CSNK1D: variants seen among roughly 807,000 people sequenced by gnomAD.
CSNK1D encodes the protein casein kinase I isoform delta.
CSNK1D carries 16 observed loss-of-function variants against 46.6 expected under a neutral mutation model. That is an observed-to-expected ratio of 0.34 (90% CI 0.23 to 0.52). CSNK1D has a LOEUF of 0.52. Ranked by LOEUF, CSNK1D falls within the 20% of genes least tolerant of loss-of-function variation. The pLI is 0.95. For synonymous variants in CSNK1D, 276 were observed against 228.2 expected, an observed-to-expected ratio of 1.21 and a Z score of -1.89; for missense variants, 398 against 578.4, an observed-to-expected ratio of 0.69 and a Z score of 3.20.
chr17:82,247,924 G>C, intron 8 of CSNK1D: 1 of 985,488 alleles, frequency 1.0e-6, no homozygotes, highest in Non-Finnish European at 1.2e-6. Flanking sequence ...AAGACGGCAA[G>C]TGGTCAAGAG....
Position 82,242,670 on chromosome 17 carries a change from G to C in CSNK1D, c.*2111C>G, listed in dbSNP as rs548277065. Reference sequence around the variant, plus strand: ...CCACATGGAAAGGGGAGGGAAGAAAGGTAGAAGTCATTATGAATTTATTAT... The same window carrying C: ...CCACATGGAAAGGGGAGGGAAGAAACGTAGAAGTCATTATGAATTTATTAT... On this transcript the variant is annotated 3_prime_UTR_variant, in exon 9 of 9. Transcript: ENST00000314028. The C allele has an allele frequency of 1.0e-6, 1 of 985,382 alleles. No homozygotes were observed. Among genetic ancestry groups the C allele is most frequent in the South Asian group, 4.7e-5 (1 of 21,296 alleles). 61.0% of individuals were successfully genotyped at this position (985,382 alleles called of 1,614,324 possible). A position where few individuals can be genotyped will look rare whatever the true frequency, so the allele number is the denominator to read the frequency against.
chr17:82,240,363 C>T (rs146077456), downstream of CSNK1D, among the ~76,000 whole-genome samples: 16 of 152,282 alleles, frequency 1.1e-4, no homozygotes, highest in African/African-American at 3.6e-4. Flanking sequence ...GCAGGCAGCC[C>T]GGGCCTCAGA....
intron 2 of CSNK1D, among the ~76,000 whole-genome samples, chr17:82,259,832 C>T (rs1391904347): frequency 4.6e-5 from 7 of 152,336 alleles, no homozygotes; most frequent in South Asian, 2.1e-4. Flanking sequence ...GACTGCATCG[C>T]GTAACACTAA....
intron 1 of CSNK1D, among the ~76,000 whole-genome samples, chr17:82,269,933 C>T (rs2051575458): frequency 6.6e-6 from 1 of 152,256 alleles, no homozygotes; most frequent in Admixed American, 6.5e-5. Flanking sequence ...TGGTACTCTG[C>T]CAGCATAAGT....
At chr17:82,241,918 A>G (rs116695903), downstream of CSNK1D, among the ~76,000 whole-genome samples, 239 of 152,248 alleles carry the variant, frequency 1.6e-3, no homozygotes, top group African/African-American at 5.5e-3. Context: ...AGAAAGCTAC[A>G]CCGTTCTTAG....
intron 2 of CSNK1D, among the ~76,000 whole-genome samples, chr17:82,263,952 T>G (rs1421070653): frequency 6.6e-6 from 1 of 152,186 alleles, no homozygotes; most frequent in African/African-American, 2.4e-5. Flanking sequence ...TCCTGTGGCC[T>G]CCTCTGGTCA....
rs2050950040 is a variant in CSNK1D, at chr17:82,249,686, G to A, written c.886-84C>T. ...GTCCTAGGCTGCCCCGGCCACGTGA[G>A]AAAATACCTACCAAAGGGCACTGGG... On this transcript the variant is annotated intron_variant, in intron 6 of 8. Transcript: ENST00000314028. The surrounding 1 kb of genome is among the most constrained non-coding windows in gnomAD (Gnocchi z 6.7). 1 of 1,532,716 alleles carries A rather than the reference G, an allele frequency of 6.5e-7. No individual in the cohort carries two copies. Among genetic ancestry groups the A allele is most frequent in the Non-Finnish European group, 8.7e-7 (1 of 1,145,316 alleles). The allele number at this position is 1,532,716 out of a possible 1,614,324, so 94.9% of individuals were successfully genotyped here.
chr17:82,255,670 C>A lies in CSNK1D; in HGVS notation c.188-93G>T. 1 of 1,490,856 alleles carries A rather than the reference C, an allele frequency of 6.7e-7. No individual in the cohort carries two copies. Among genetic ancestry groups the A allele is most frequent in the Non-Finnish European group, 9.3e-7 (1 of 1,071,750 alleles). The allele number at this position is 1,490,856 out of a possible 1,614,324, so 92.4% of individuals were successfully genotyped here. ...TGTGCACACCAAGGGGTCATGGTGA[C>A]AATCCTGAACGGGGGAGGGGTGGTG... On this transcript the variant is annotated intron_variant, in intron 2 of 8. Coordinates refer to ENST00000314028, the MANE Select transcript of CSNK1D (RefSeq NM_001893.6). This position sits in a 1 kb window ranked among gnomAD's most constrained non-coding sequence, Gnocchi z 5.9.
intron 2 of CSNK1D, chr17:82,261,199 TTACTGC>T (rs1383445979): frequency 3.7e-4 from 57 of 154,982 alleles, no homozygotes; most frequent in Non-Finnish European, 8.8e-5. Context: ...CTCTATGGAC[TTACTGC>T]TACTGGTGAT....
Position 82,254,779 on chromosome 17 carries a change from A to G in CSNK1D, c.336+650T>C, listed in dbSNP as rs1366034204. ...AGAAGCCAGTGCGGTGAGCCACCGG[A>G]GCCTCGAGAAGCCAGTCAGCTGAGC... is the stretch of plus-strand genomic sequence containing the variant. On this transcript the variant is annotated intron_variant, in intron 3 of 8. Coordinates refer to ENST00000314028, the MANE Select transcript of CSNK1D (RefSeq NM_001893.6). The G allele has an allele frequency of 2.2e-4, 55 of 247,850 alleles. 1 individual carries two copies. Among genetic ancestry groups the G allele is most frequent in the African/African-American group, 5.6e-4 (14 of 24,876 alleles). 15.4% of individuals were successfully genotyped at this position (247,850 alleles called of 1,614,324 possible). A position where few individuals can be genotyped will look rare whatever the true frequency, so the allele number is the denominator to read the frequency against.
chr17:82,264,461 G>C (rs760590939), intron 2 of CSNK1D, among the ~76,000 whole-genome samples: 15 of 152,216 alleles, frequency 9.9e-5, no homozygotes, highest in Non-Finnish European at 1.9e-4. Flanking sequence ...GGGAGGACAG[G>C]AGCGCTCTGC....
Position 82,251,774 on chromosome 17 carries a change from A to G in CSNK1D, c.737-247T>C. On this transcript the variant is annotated intron_variant, in intron 5 of 8. Coordinates refer to ENST00000314028, the MANE Select transcript of CSNK1D (RefSeq NM_001893.6). This position sits in a 1 kb window ranked among gnomAD's most constrained non-coding sequence, Gnocchi z 4.5. ...AGGAGGCTGAGGAGGGCGGATCACG[A>G]GGTCAGGAGATCAAGACCATCCTGG... is the stretch of plus-strand genomic sequence containing the variant. 1 of 498,142 alleles carries G rather than the reference A, an allele frequency of 2.0e-6. No individual in the cohort carries two copies. Among genetic ancestry groups the G allele is most frequent in the East Asian group, 3.9e-5 (1 of 25,530 alleles). 30.9% of individuals were successfully genotyped at this position (498,142 alleles called of 1,614,324 possible).
chr17:82,240,786 G>T (rs73366225), downstream of CSNK1D, among the ~76,000 whole-genome samples: 3 of 152,178 alleles, frequency 2.0e-5, no homozygotes, highest in Non-Finnish European at 4.4e-5. Flanking sequence ...GCTTGGTTGG[G>T]GGCACAGGAC....
rs1232590362 is a variant in CSNK1D at position 82,253,281 on chromosome 17, G to A, written c.337-37C>T. The A allele has an allele frequency of 2.6e-6, 4 of 1,536,524 alleles. No individual in the cohort carries two copies. The South Asian group carries it at 3.4e-5, about 13-fold the overall frequency. On this transcript the variant is annotated intron_variant, in intron 3 of 8. Transcript: ENST00000314028. ...GCAAGGGCGCGAGATGGCACCCCAG[G>A]GCAGTCTCAGGGAGGGACCGCTCAA...
In CSNK1D at chr17:82,251,095, C is replaced by T. The variant is rs546371031; in HGVS notation, c.885+284G>A. The T allele has an allele frequency of 8.9e-6, 4 of 451,350 alleles. No homozygotes were observed. The East Asian group carries it at 1.8e-4, about 20-fold the overall frequency. The allele number at this position is 451,350 out of a possible 1,614,324, so 28.0% of individuals were successfully genotyped here. A position where few individuals can be genotyped will look rare whatever the true frequency, so the allele number is the denominator to read the frequency against. On this transcript the variant is annotated intron_variant, in intron 6 of 8. Coordinates refer to ENST00000314028, the MANE Select transcript of CSNK1D (RefSeq NM_001893.6). This position sits in a 1 kb window ranked among gnomAD's most constrained non-coding sequence, Gnocchi z 4.5. ...CTCTGCCCCCAGGGCATGCTCTGGGCCCTAGCTCCGCTTGGTGACAGGGAG... is the reference window on the plus strand; with the variant it reads ...CTCTGCCCCCAGGGCATGCTCTGGGTCCTAGCTCCGCTTGGTGACAGGGAG...
chr17:82,241,935 C>T (rs964626294), downstream of CSNK1D, among the ~76,000 whole-genome samples: 4 of 152,348 alleles, frequency 2.6e-5, no homozygotes, highest in East Asian at 7.7e-4. Context: ...TTAGAGCAAC[C>T]TCCAGGCAAG....
At chr17:82,262,497 T>TC (rs1350640961) in intron 2 of CSNK1D, among the ~76,000 whole-genome samples, 2 of 152,158 alleles carry the variant, frequency 1.3e-5, no homozygotes, top group Non-Finnish European at 2.9e-5. Flanking sequence ...GAAGGCAGCA[T>TC]CCATCAAGCA....
In CSNK1D at chr17:82,252,654, CA is replaced by C. The variant is rs1467829512; in HGVS notation, c.566-51del. On this transcript the variant is annotated intron_variant, in intron 4 of 8. Coordinates refer to ENST00000314028, the MANE Select transcript of CSNK1D (RefSeq NM_001893.6). The surrounding 1 kb of genome is among the most constrained non-coding windows in gnomAD (Gnocchi z 4.6). ...AAGAACGGCACTTGCGTGCTCACGT[CA>C]AAGCAAAAGACCCGGCTGGCCGTTC... 1 of 1,585,538 alleles carries C rather than the reference CA, an allele frequency of 6.3e-7. No homozygotes were observed.
intron 1 of CSNK1D, among the ~76,000 whole-genome samples, chr17:82,270,629 T>G (rs757105502): frequency 6.6e-6 from 1 of 152,294 alleles, no homozygotes; most frequent in African/African-American, 2.4e-5. Context: ...CTAACTGCCA[T>G]TCTGCTCAGA....
Sources: gnomAD v4.1 joint callset for allele counts (sites outside exome capture counted in the v4.1 genomes callset) on GRCh38, gnomAD v4.1.1 for gene constraint, Gnocchi (gnomAD v3.1) non-coding constraint, MANE v1.5 for transcripts, NCBI Gene and HGNC (gene_info 2026-07-23, HGNC 2026-07-21) for gene names.